The following MYO1B variants were observed in gnomAD, a reference collection of about 807,000 sequenced individuals.
MYO1B encodes the protein myosin IB.
A neutral mutation model predicts 159.7 loss-of-function variants in MYO1B; 72 were observed. The ratio of observed to expected loss-of-function variants is 0.45; its 90% confidence interval spans 0.37 to 0.55. The LOEUF is 0.55. MYO1B is among the 20% of genes least tolerant of loss of function. MYO1B has a pLI of 0.00. For missense variants in MYO1B, 1,062 were observed against 1,364.8 expected (o/e 0.78, Z 3.50); for synonymous variants, 468 against 473.8 (o/e 0.99, Z 0.16).
At chr2:191,406,550 A>G (rs956974547) in intron 24 of MYO1B, among the ~76,000 whole-genome samples, 3 of 152,230 alleles carry the variant, frequency 2.0e-5, no homozygotes, top group Non-Finnish European at 4.4e-5. Context: ...ATTAATTTCT[A>G]TATTGCTCTG....
chr2:191,359,769 A>G (rs943052384), intron 7 of MYO1B, among the ~76,000 whole-genome samples: 5 of 152,246 alleles, frequency 3.3e-5, no homozygotes, highest in African/African-American at 7.2e-5. Context: ...TTAGTGCTCA[A>G]TAATGACATT....
chr2:191,273,682 T>C (rs1687590693), intron 1 of MYO1B, among the ~76,000 whole-genome samples: 1 of 152,252 alleles, frequency 6.6e-6, no homozygotes, highest in African/African-American at 2.4e-5. Context: ...CATGTTCATT[T>C]TTGGTACCCA....
intron 13 of MYO1B, among the ~76,000 whole-genome samples, chr2:191,370,689 G>A (rs1694310002): frequency 6.6e-6 from 1 of 152,254 alleles, no homozygotes; most frequent in African/African-American, 2.4e-5. Context: ...GTTAGAAAGT[G>A]TGGCAGGTTG....
chr2:191,416,476 A>C, intron 30 of MYO1B: 1 of 507,862 alleles, frequency 2.0e-6, no homozygotes, highest in Non-Finnish European at 3.5e-6. Context: ...AATAGTTGAT[A>C]AGATTTTGGC....
intron 1 of MYO1B, among the ~76,000 whole-genome samples, chr2:191,253,042 A>G (rs934699275): frequency 2.7e-4 from 40 of 150,858 alleles, no homozygotes; most frequent in African/African-American, 8.7e-4. Flanking sequence ...GAGTTGTTCC[A>G]TAAAAAATTA....
intron 3 of MYO1B, among the ~76,000 whole-genome samples, chr2:191,321,037 A>G (rs1275202205): frequency 6.6e-6 from 1 of 152,076 alleles, no homozygotes; most frequent in Non-Finnish European, 1.5e-5. Context: ...AGTGTTTTAC[A>G]TTTGACTCTT....
rs889563015 is a variant in MYO1B, at chr2:191,276,780, G to A, written c.-9-107G>A. The A allele has an allele frequency of 1.9e-5, 25 of 1,314,978 alleles. No individual in the cohort carries two copies. In the African/African-American group the frequency reaches 2.1e-4, roughly 11 times the overall value. The allele number at this position is 1,314,978 out of a possible 1,614,324, so 81.5% of individuals were successfully genotyped here. A position where few individuals can be genotyped will look rare whatever the true frequency, so the allele number is the denominator to read the frequency against. On this transcript the variant is annotated intron_variant, in intron 1 of 30. Coordinates refer to ENST00000392318, the MANE Select transcript of MYO1B (RefSeq NM_001130158.3). ...GAGGTTATGACATTTTTTAAGGCTAGTGAGAGTCATTTGGAGCTACCAGTG... is the reference window on the plus strand; with the variant it reads ...GAGGTTATGACATTTTTTAAGGCTAATGAGAGTCATTTGGAGCTACCAGTG...
chr2:191,248,017 G>A, intron 1 of MYO1B: 1 of 985,434 alleles, frequency 1.0e-6, no homozygotes, highest in Non-Finnish European at 1.2e-6. Context: ...AGGTGAGTGG[G>A]TGGTGTTTGG....
intron 1 of MYO1B, among the ~76,000 whole-genome samples, chr2:191,253,420 C>T (rs1049063930): frequency 6.6e-6 from 1 of 152,130 alleles, no homozygotes; most frequent in Non-Finnish European, 1.5e-5. Flanking sequence ...TGTGCTTTTA[C>T]CTTGTTGTTC....
At chr2:191,346,729 C>T (rs1692591736) in intron 6 of MYO1B, among the ~76,000 whole-genome samples, 1 of 152,176 alleles carries the variant, frequency 6.6e-6, no homozygotes, top group African/African-American at 2.4e-5. Flanking sequence ...ATAGGCTTGG[C>T]AACAAAAGCA....
At chr2:191,388,495 A>G (rs1321260829) in intron 17 of MYO1B, among the ~76,000 whole-genome samples, 3 of 152,156 alleles carry the variant, frequency 2.0e-5, no homozygotes, top group Non-Finnish European at 4.4e-5. Flanking sequence ...GTTGTCTTTG[A>G]AAATGCAGTT....
At chr2:191,338,181 G>A (rs373826558) in intron 4 of MYO1B, among the ~76,000 whole-genome samples, 3 of 151,532 alleles carry the variant, frequency 2.0e-5, no homozygotes, top group Non-Finnish European at 4.4e-5. Flanking sequence ...TAAATAGTGT[G>A]ATTTTTTTTT....
At chr2:191,279,776 C>T (rs535818686) in intron 2 of MYO1B, among the ~76,000 whole-genome samples, 2 of 151,344 alleles carry the variant, frequency 1.3e-5, no homozygotes, top group Non-Finnish European at 2.9e-5. Context: ...TAAAAAAAAA[C>T]ATCTTTTAAG....
chr2:191,384,857 G>GT (rs1262396823), intron 15 of MYO1B, among the ~76,000 whole-genome samples: 1 of 152,170 alleles, frequency 6.6e-6, no homozygotes, highest in Admixed American at 6.5e-5. Flanking sequence ...AGGAACCTGG[G>GT]TATATAAAGG....
intron 3 of MYO1B, among the ~76,000 whole-genome samples, chr2:191,323,272 G>A (rs764812389): frequency 3.3e-4 from 50 of 152,034 alleles, no homozygotes; most frequent in Non-Finnish European, 5.6e-4. Context: ...TTTATGACTT[G>A]TATCTTGTGC....
chr2:191,298,890 G>C (rs944793037), intron 3 of MYO1B, among the ~76,000 whole-genome samples: 1 of 152,108 alleles, frequency 6.6e-6, no homozygotes, highest in Non-Finnish European at 1.5e-5. Context: ...CCTCTTAGCT[G>C]GAAATGGGCT....
At chr2:191,253,443 T>C (rs1007088159) in intron 1 of MYO1B, among the ~76,000 whole-genome samples, 2 of 152,074 alleles carry the variant, frequency 1.3e-5, no homozygotes, top group African/African-American at 4.8e-5. Context: ...GATCGTTCCT[T>C]CCCCCCAGAA....
intron 16 of MYO1B, among the ~76,000 whole-genome samples, chr2:191,386,886 T>C (rs1279578576): frequency 6.6e-6 from 1 of 152,158 alleles, no homozygotes; most frequent in East Asian, 1.9e-4. Flanking sequence ...CAGACTAGAA[T>C]TGGTATGTGA....
At chr2:191,358,897 ACTT>A (rs1693477262) in intron 7 of MYO1B, among the ~76,000 whole-genome samples, 1 of 152,208 alleles carries the variant, frequency 6.6e-6, no homozygotes, top group Non-Finnish European at 1.5e-5. Context: ...CTGGTGCTAA[ACTT>A]CTTCCCAAAT....
Sources: gnomAD v4.1 joint callset for allele counts (sites outside exome capture counted in the v4.1 genomes callset) on GRCh38, gnomAD v4.1.1 for gene constraint, MANE v1.5 for transcripts, NCBI Gene and HGNC (gene_info 2026-07-23, HGNC 2026-07-21) for gene names.